UBE3C: variants seen among roughly 807,000 people sequenced by gnomAD.
UBE3C encodes ubiquitin protein ligase E3C.
In UBE3C, 42 loss-of-function variants were observed where a neutral mutation model predicts 129.4. The ratio of observed to expected loss-of-function variants is 0.32; its 90% CI spans 0.25 to 0.42. UBE3C has a LOEUF of 0.42. Among genes scored for constraint, UBE3C ranks in the 10% least tolerant of loss-of-function variants. The probability of loss-of-function intolerance (pLI) is 1.00; values close to 1 mark genes in which losing one functional copy is unlikely to be tolerated. For missense variants in UBE3C, 1,049 were observed against 1,319.1 expected (o/e 0.80, Z 3.17); for synonymous variants, 510 against 492.4 (o/e 1.04, Z -0.47).
chr7:157,267,789 C>A lies in UBE3C; in HGVS notation c.*34C>A. On this transcript the variant is annotated 3_prime_UTR_variant, in exon 23 of 23. Coordinates refer to ENST00000348165, the MANE Select transcript of UBE3C (RefSeq NM_014671.3). The stretch of plus-strand genomic sequence containing the variant: ...CTGGGGTCAGACCCCTACAGAGAAC[C>A]AGTGCTTCCTTCGTCAGCAGCGCCT... The A allele has an allele frequency of 6.5e-7, 1 of 1,529,642 alleles. No homozygotes were observed. Among genetic ancestry groups the A allele is most frequent in the South Asian group, 1.3e-5 (1 of 77,186 alleles). The allele number at this position is 1,529,642 out of a possible 1,614,324, so 94.8% of individuals were successfully genotyped here.
Position 157,254,791 on chromosome 7 carries a change from A to G in UBE3C, c.2950+481A>G, listed in dbSNP as rs530681297. On this transcript the variant is annotated intron_variant, in intron 21 of 22. Coordinates refer to ENST00000348165, the MANE Select transcript of UBE3C (RefSeq NM_014671.3). ...TGCAGTGGCTCACGCCTGTAATCCC[A>G]GCCTTTGGGAGGCCGGGGCAGGTGG... is the stretch of plus-strand genomic sequence containing the variant. Among the ~76,000 whole-genome samples the G allele has an allele frequency of 1.7e-4, 26 of 152,150 alleles. 1 individual carries two copies. The South Asian group carries it at 5.4e-3, about 32-fold the overall frequency.
chr7:157,178,562 T>C, intron 5 of UBE3C, 128 bp from the exon 6 acceptor site: 1 of 904,984 alleles, frequency 1.1e-6, no homozygotes, highest in East Asian at 2.6e-5. Flanking sequence ...ATCTGTAAGA[T>C]GTCCCTATTT....
At chr7:157,184,599 G>A (rs942631364) in intron 9 of UBE3C, among the ~76,000 whole-genome samples, 4 of 152,106 alleles carry the variant, frequency 2.6e-5, no homozygotes, top group Non-Finnish European at 1.5e-5. Flanking sequence ...AATTGAAATG[G>A]CTTGAGGTAT....
chr7:157,178,545 CCTGT>C (rs2116912371), intron 5 of UBE3C, 141 bp from the exon 6 acceptor site: 2 of 793,178 alleles, frequency 2.5e-6, no homozygotes, highest in East Asian at 5.5e-5. Flanking sequence ...GGATGATTTC[CCTGT>C]CTATCTGTAA....
chr7:157,178,943 A>G (rs2116913768), intron 6 of UBE3C, 96 bp downstream of exon 6: 1 of 1,469,204 alleles, frequency 6.8e-7, no homozygotes, highest in Non-Finnish European at 9.3e-7. Flanking sequence ...CTCAGTCTCA[A>G]TGTCAGAGCG....
At chr7:157,264,572 TAC>T (rs973152882) in intron 22 of UBE3C, among the ~76,000 whole-genome samples, 18 of 151,950 alleles carry the variant, frequency 1.2e-4, no homozygotes, top group African/African-American at 4.1e-4. Flanking sequence ...CTCAGCCTGT[TAC>T]ACACACACAA....
intron 10 of UBE3C, chr7:157,188,865 C>A: frequency 2.1e-6 from 1 of 471,226 alleles, no homozygotes. Context: ...AACTCATTCA[C>A]AGGCCCTCAC....
intron 1 of UBE3C, among the ~76,000 whole-genome samples, chr7:157,153,919 C>T (rs566352201): frequency 3.4e-4 from 51 of 151,470 alleles, no homozygotes; most frequent in African/African-American, 9.5e-4. Flanking sequence ...CTTGGTGGGG[C>T]GGGGGCGAGG....
intron 10 of UBE3C, chr7:157,198,259 T>C: frequency 1.7e-6 from 2 of 1,188,014 alleles, no homozygotes; most frequent in Non-Finnish European, 2.5e-6. Flanking sequence ...GTAAATGACA[T>C]TGAGGTGGTG....
intron 22 of UBE3C, among the ~76,000 whole-genome samples, chr7:157,261,306 G>C (rs1796902494): frequency 1.3e-5 from 1 of 78,012 alleles, no homozygotes; most frequent in African/African-American, 5.1e-5. Flanking sequence ...AACTCTGTCT[G>C]AAAAAAAAAA....
At chr7:157,247,309 A>G (rs1344112152) in intron 18 of UBE3C, among the ~76,000 whole-genome samples, 3 of 152,258 alleles carry the variant, frequency 2.0e-5, no homozygotes, top group Non-Finnish European at 4.4e-5. Flanking sequence ...AAGATAATTA[A>G]TGTCTAACTG....
At chr7:157,238,825 A>G (rs1796220176) in intron 18 of UBE3C, among the ~76,000 whole-genome samples, 2 of 152,214 alleles carry the variant, frequency 1.3e-5, no homozygotes, top group African/African-American at 4.8e-5. Context: ...GAATTGACTA[A>G]TAGAAGTTCA....
intron 10 of UBE3C, among the ~76,000 whole-genome samples, chr7:157,196,019 G>GA (rs1809110475): frequency 6.6e-6 from 1 of 152,098 alleles, no homozygotes; most frequent in African/African-American, 2.4e-5. Context: ...AAGACGAGGC[G>GA]ATAAGCCCAG....
At position 157,239,254 on chromosome 7, in the gene UBE3C, G is replaced by A. The variant is rs1796233155; in HGVS notation, c.2481+7927G>A. Among the ~76,000 whole-genome samples the A allele has an allele frequency of 3.9e-5, 6 of 152,192 alleles. 1 individual carries two copies. In the South Asian group the frequency reaches 1.0e-3, roughly 26 times the overall value. ...TAAATAAATTGTAGGATATTCACAAGACTTACTGAATGAACAGACTACAGC... is the reference window on the plus strand; with the variant it reads ...TAAATAAATTGTAGGATATTCACAAAACTTACTGAATGAACAGACTACAGC... On this transcript the variant is annotated intron_variant, in intron 18 of 22. Coordinates refer to ENST00000348165, the MANE Select transcript of UBE3C (RefSeq NM_014671.3).
chr7:157,207,445 CTT>C lies in UBE3C; in HGVS notation c.1469_1470del (p.Phe490Ter). 1 of 1,613,900 alleles carries C rather than the reference CTT, an allele frequency of 6.2e-7. No homozygotes were observed. Among genetic ancestry groups the C allele is most frequent in the Non-Finnish European group, 8.5e-7 (1 of 1,180,004 alleles). The stretch of plus-strand genomic sequence containing the variant: ...GTGATATCCAGGGGTTCTCCTATGT[CTT>C]TTGAAGATTCTAGTCGAATCATCCC... On this transcript the variant is annotated frameshift_variant, in exon 12 of 23. Transcript: ENST00000348165. LOFTEE classifies it high-confidence loss of function.
intron 1 of UBE3C, among the ~76,000 whole-genome samples, chr7:157,141,795 G>A (rs1807459606): frequency 6.6e-6 from 1 of 152,188 alleles, no homozygotes; most frequent in Non-Finnish European, 1.5e-5. Context: ...GTGCCCGGCT[G>A]CTTTGGCTTG....
At chr7:157,205,195 C>T (rs1012576488) in intron 11 of UBE3C, among the ~76,000 whole-genome samples, 1 of 152,214 alleles carries the variant, frequency 6.6e-6, no homozygotes, top group Admixed American at 6.5e-5. Flanking sequence ...CTCGTTTGTG[C>T]CCTGTCTGCA....
intron 18 of UBE3C, among the ~76,000 whole-genome samples, chr7:157,246,943 T>C (rs543102598): frequency 1.3e-5 from 2 of 152,328 alleles, no homozygotes; most frequent in African/African-American, 2.4e-5. Flanking sequence ...CAGACTGGAG[T>C]GCAGTGGCAC....
intron 10 of UBE3C, among the ~76,000 whole-genome samples, chr7:157,191,010 T>C (rs1041716432): frequency 1.3e-5 from 2 of 152,208 alleles, no homozygotes; most frequent in African/African-American, 4.8e-5. Flanking sequence ...CTAAAAGTTT[T>C]GAAGCAGAAT....
Sources: allele counts gnomAD v4.1 joint callset (sites outside exome capture counted in the v4.1 genomes callset), GRCh38; gene constraint gnomAD v4.1.1; transcripts MANE v1.5; gene names NCBI Gene and HGNC (gene_info 2026-07-23, HGNC 2026-07-21).